Variants in NPAS2 observed in about 807,000 individuals in gnomAD.
NPAS2 encodes neuronal PAS domain-containing protein 2.
In NPAS2, 23 loss-of-function variants were observed where a neutral mutation model predicts 107.5. That is an observed-to-expected ratio of 0.21 (90% CI 0.15 to 0.30). The LOEUF is 0.30. NPAS2 is among the 10% of genes least tolerant of loss of function. The probability of loss-of-function intolerance (pLI) is 1.00; values close to 1 mark genes in which losing one functional copy is unlikely to be tolerated. For synonymous variants in NPAS2, 403 were observed against 417.5 expected (o/e 0.97, Z 0.42); for missense variants, 756 against 1,043.3 (o/e 0.72, Z 3.79).
intron 7 of NPAS2, among the ~76,000 whole-genome samples, chr2:100,958,089 A>G (rs1356612309): frequency 6.6e-6 from 1 of 152,228 alleles, no homozygotes; most frequent in African/African-American, 2.4e-5. Flanking sequence ...CAGTATTTCA[A>G]AAGTTGCTGG....
rs144505078 is a variant in NPAS2, at chr2:100,910,053, G to A, written c.32+5267G>A. Among the ~76,000 whole-genome samples, 685 of 152,234 alleles carry A rather than the reference G, an allele frequency of 4.5e-3. 2 individuals carry two copies. Among genetic ancestry groups the A allele is most frequent in the Middle Eastern group, 0.017 (5 of 294 alleles). ...GGCTTAGAAACTTGGGAATGTCTTC[G>A]TTCAAGGAGATCCAGAACCTCTCTG... is the stretch of plus-strand genomic sequence containing the variant. On this transcript the variant is annotated intron_variant, in intron 2 of 20. Transcript: ENST00000335681.
At chr2:100,959,386 A>T (rs2105122011) in intron 7 of NPAS2, among the ~76,000 whole-genome samples, 1 of 152,332 alleles carries the variant, frequency 6.6e-6, no homozygotes, top group African/African-American at 2.4e-5. Context: ...AAAGGAAAGG[A>T]TCAAATATGC....
At chr2:100,867,650 C>A (rs1017416611) in intron 1 of NPAS2, among the ~76,000 whole-genome samples, 5 of 152,084 alleles carry the variant, frequency 3.3e-5, no homozygotes, top group African/African-American at 1.2e-4. Context: ...ACTCTTAAAT[C>A]TTTTTAACTG....
intron 1 of NPAS2, among the ~76,000 whole-genome samples, chr2:100,871,839 A>C (rs1285149154): frequency 6.6e-6 from 1 of 151,722 alleles, no homozygotes; most frequent in Admixed American, 6.6e-5. Context: ...GCCCTTGGAA[A>C]CCCTTACTTA....
chr2:100,886,637 G>A (rs1003683386), intron 1 of NPAS2, among the ~76,000 whole-genome samples: 7 of 152,170 alleles, frequency 4.6e-5, no homozygotes, highest in African/African-American at 1.7e-4. Context: ...TTAGGAACTT[G>A]CCTAAGCTAG....
intron 7 of NPAS2, among the ~76,000 whole-genome samples, chr2:100,954,457 G>T (rs1675432534): frequency 6.6e-6 from 1 of 152,120 alleles, no homozygotes; most frequent in African/African-American, 2.4e-5. Context: ...CTGAGGTCAG[G>T]AGTTTGAGAC....
intron 1 of NPAS2, among the ~76,000 whole-genome samples, chr2:100,846,444 T>C (rs1446597623): frequency 6.6e-6 from 1 of 152,230 alleles, no homozygotes; most frequent in African/African-American, 2.4e-5. Flanking sequence ...TTTGTGTGTG[T>C]TTGTACGTTT....
At chr2:100,881,733 G>A (rs186387597) in intron 1 of NPAS2, among the ~76,000 whole-genome samples, 115 of 151,898 alleles carry the variant, frequency 7.6e-4, no homozygotes, top group Admixed American at 3.3e-3. Flanking sequence ...AAGACACTTC[G>A]AGGTGCTTTT....
intron 5 of NPAS2, among the ~76,000 whole-genome samples, chr2:100,947,190 C>T (rs889175427): frequency 6.6e-6 from 1 of 152,198 alleles, no homozygotes; most frequent in Admixed American, 6.5e-5. Context: ...CCTCGGTCCA[C>T]TGTGAGCTCC....
At chr2:100,930,259 G>A (rs909965161) in intron 3 of NPAS2, among the ~76,000 whole-genome samples, 5 of 152,176 alleles carry the variant, frequency 3.3e-5, no homozygotes, top group Non-Finnish European at 4.4e-5. Context: ...GGAAGATGAG[G>A]TGGGGAGAGC....
intron 5 of NPAS2, among the ~76,000 whole-genome samples, chr2:100,941,405 A>T (rs909599614): frequency 1.3e-5 from 2 of 152,128 alleles, no homozygotes. Flanking sequence ...TCTACAAAAA[A>T]TCCAAAAATT....
At chr2:100,852,862 G>T (rs1042999175) in intron 1 of NPAS2, among the ~76,000 whole-genome samples, 3 of 152,128 alleles carry the variant, frequency 2.0e-5, no homozygotes, top group Non-Finnish European at 2.9e-5. Flanking sequence ...GGCGTTCAGT[G>T]CTTTCTTTAA....
Position 100,841,774 on chromosome 2 carries a change from A to G in NPAS2, c.-23+21360A>G, listed in dbSNP as rs543573842. On this transcript the variant is annotated intron_variant, in intron 1 of 20. Coordinates refer to ENST00000335681, the MANE Select transcript of NPAS2 (RefSeq NM_002518.4). ...CCTGCATATGTGTATATACATGCAC[A>G]CATATGCATACACACACGCATGCAC... Among the ~76,000 whole-genome samples, 3 of 152,306 alleles carry G rather than the reference A, an allele frequency of 2.0e-5. No individual in the cohort carries two copies. In the East Asian group the frequency reaches 5.8e-4, roughly 29 times the overall value.
chr2:100,843,267 T>C (rs1432402942), intron 1 of NPAS2, among the ~76,000 whole-genome samples: 1 of 151,808 alleles, frequency 6.6e-6, no homozygotes, highest in African/African-American at 2.4e-5. Flanking sequence ...CCACTTTTGG[T>C]CAGCCTCACC....
At chr2:100,844,102 C>T (rs751641809) in intron 1 of NPAS2, among the ~76,000 whole-genome samples, 8 of 152,182 alleles carry the variant, frequency 5.3e-5, no homozygotes, top group Non-Finnish European at 1.0e-4. Context: ...AGGCTCACAG[C>T]CTGGCCACCC....
intron 1 of NPAS2, among the ~76,000 whole-genome samples, chr2:100,841,280 CA>C (rs939825162): frequency 5.3e-5 from 8 of 151,760 alleles, no homozygotes; most frequent in African/African-American, 1.7e-4. Context: ...ACTAAAAATA[CA>C]AAAAAAATTA....
chr2:100,937,934 CAG>C (rs1684439357), intron 5 of NPAS2, 92 bp downstream of exon 5: 12 of 995,626 alleles, frequency 1.2e-5, no homozygotes, highest in African/African-American at 3.2e-5. Flanking sequence ...GTGCAGGTGT[CAG>C]GGGGCTGCAG....
At position 100,995,538 on chromosome 2, in the gene NPAS2, A is replaced by G. The variant is rs1173121654; in HGVS notation, c.2431A>G (p.Ser811Gly). ...PQPLRPPRRV[S>G]SLSESSGLQQ... ...GCCCCTACGTCCTCCCCGAAGGGTC[A>G]GCAGTCTGTCTGAGTCGTCAGGCCT... is the stretch of plus-strand genomic sequence containing the variant. Residue 811 changes from serine (S) to glycine (G), a missense_variant, in exon 21 of 21, where the codon AGC becomes GGC. Coordinates refer to ENST00000335681, the MANE Select transcript of NPAS2 (RefSeq NM_002518.4). 6.2e-7 allele frequency: 1 copy of G among 1,611,966 alleles called. No homozygotes were observed. Among genetic ancestry groups the G allele is most frequent in the South Asian group, 1.1e-5 (1 of 90,854 alleles).
chr2:100,981,469 G>C (rs1252146575), intron 15 of NPAS2, among the ~76,000 whole-genome samples: 1 of 152,160 alleles, frequency 6.6e-6, no homozygotes, highest in Non-Finnish European at 1.5e-5. Flanking sequence ...AGGGAGACGG[G>C]ACAGGAGGCA....
Sources: gnomAD v4.1 joint callset for allele counts (sites outside exome capture counted in the v4.1 genomes callset) on GRCh38, gnomAD v4.1.1 for gene constraint, MANE v1.5 for transcripts, NCBI Gene and HGNC (gene_info 2026-07-23, HGNC 2026-07-21) for gene names.